Variants in CDH11 observed in about 807,000 individuals in gnomAD.
The protein encoded by CDH11 is cadherin 11.
A neutral mutation model predicts 67.8 loss-of-function variants in CDH11; 11 were observed. The observed-to-expected ratio is 0.16, with a 90% CI of 0.10 to 0.27. CDH11 has a LOEUF of 0.27. Ranked by LOEUF, CDH11 falls within the 10% of genes least tolerant of loss-of-function variation. The pLI is 1.00. For synonymous variants in CDH11, 419 were observed against 400.0 expected (o/e 1.05, Z -0.57); for missense variants, 847 against 1,031.2 (o/e 0.82, Z 2.45).
At chr16:64,963,512 G>A (rs1210610402) in intron 11 of CDH11, among the ~76,000 whole-genome samples, 1 of 152,098 alleles carries the variant, frequency 6.6e-6, no homozygotes, top group Non-Finnish European at 1.5e-5. Flanking sequence ...ACAGAAGAGA[G>A]AAAGAAACAG....
chr16:64,968,306 A>T, intron 11 of CDH11: 1 of 453,538 alleles, frequency 2.2e-6, no homozygotes, highest in Non-Finnish European at 2.9e-6. Flanking sequence ...TAAACCAGTT[A>T]AGAGCTACAT....
intron 1 of CDH11, chr16:65,118,982 T>C (rs2075284863): frequency 6.6e-6 from 1 of 152,168 alleles, no homozygotes; most frequent in Non-Finnish European, 1.5e-5. Context: ...AGATCAAAGT[T>C]TACCAACTTC....
At chr16:65,082,604 A>C (rs2074630053) in intron 1 of CDH11, among the ~76,000 whole-genome samples, 1 of 152,178 alleles carries the variant, frequency 6.6e-6, no homozygotes, top group South Asian at 2.1e-4. Flanking sequence ...GGAGGAAATA[A>C]TTATTTGCTA....
intron 6 of CDH11, among the ~76,000 whole-genome samples, chr16:64,990,132 A>G (rs777755506): frequency 6.6e-6 from 1 of 152,220 alleles, no homozygotes; most frequent in Non-Finnish European, 1.5e-5. Context: ...AAACCAGTAC[A>G]GTAGCAATGT....
At chr16:65,120,853 T>C (rs1425317878) in intron 1 of CDH11, among the ~76,000 whole-genome samples, 1 of 152,072 alleles carries the variant, frequency 6.6e-6, no homozygotes, top group Non-Finnish European at 1.5e-5. Context: ...CCCCACTTTC[T>C]CTGGGGACTC....
At chr16:65,117,727 C>T (rs1394082464) in intron 1 of CDH11, among the ~76,000 whole-genome samples, 2 of 152,152 alleles carry the variant, frequency 1.3e-5, no homozygotes, top group East Asian at 1.9e-4. Context: ...CATGAAAGAA[C>T]GGGCAATGGT....
chr16:64,952,330 G>A (rs35143), intron 11 of CDH11, among the ~76,000 whole-genome samples: 71,922 of 151,902 alleles, frequency 0.47, 17,687 homozygotes, highest in East Asian at 0.66. Flanking sequence ...GACCTCTGTG[G>A]GACTGTGAAC....
intron 2 of CDH11, among the ~76,000 whole-genome samples, chr16:65,009,158 A>T (rs2073124933): frequency 6.6e-6 from 1 of 152,146 alleles, no homozygotes; most frequent in South Asian, 2.1e-4. Flanking sequence ...ATTTAGGCAC[A>T]CTAATACAAA....
rs373154503 is a variant in CDH11 at position 64,988,361 on chromosome 16, T to G, written c.812-17A>C. The G allele has an allele frequency of 1.3e-6, 2 of 1,579,296 alleles. No individual in the cohort carries two copies. The highest frequency in any genetic ancestry group is 1.7e-6 in the Non-Finnish European group (2 of 1,164,572). ...GGTATACGCCTAGAAGAAGAAGACA[T>G]CTATTTTTATTTTCTCTTTTATTTG... On this transcript the variant is annotated splice_polypyrimidine_tract_variant and intron_variant, in intron 6 of 12. Coordinates refer to ENST00000268603, the MANE Select transcript of CDH11 (RefSeq NM_001797.4).
At chr16:64,994,925 C>T (rs1161722271) in intron 4 of CDH11, among the ~76,000 whole-genome samples, 1 of 152,072 alleles carries the variant, frequency 6.6e-6, no homozygotes. Context: ...AACACTCAAG[C>T]TGAGGACCAA....
chr16:65,021,569 C>T (rs1366530532), intron 2 of CDH11, among the ~76,000 whole-genome samples: 13 of 139,002 alleles, frequency 9.4e-5, no homozygotes, highest in South Asian at 2.3e-4. Context: ...CACACACACA[C>T]ATATATATAT....
chr16:64,971,411 G>C (rs994258023), intron 11 of CDH11, among the ~76,000 whole-genome samples, 168 bp downstream of exon 11: 4 of 152,190 alleles, frequency 2.6e-5, no homozygotes, highest in Non-Finnish European at 5.9e-5. Flanking sequence ...TTATTCGCAT[G>C]CATCAAATGA....
chr16:65,061,291 G>T (rs182027943), intron 1 of CDH11, among the ~76,000 whole-genome samples: 1 of 152,024 alleles, frequency 6.6e-6, no homozygotes, highest in African/African-American at 2.4e-5. Flanking sequence ...ATAAATGAAC[G>T]GTAGTAATTA....
intron 1 of CDH11, among the ~76,000 whole-genome samples, chr16:65,090,442 C>A (rs1216087240): frequency 6.6e-6 from 1 of 152,118 alleles, no homozygotes; most frequent in Non-Finnish European, 1.5e-5. Context: ...TTGGTCCAAT[C>A]CTTTCTTAAG....
At chr16:65,111,822 A>G (rs1280232772) in intron 1 of CDH11, among the ~76,000 whole-genome samples, 1 of 152,108 alleles carries the variant, frequency 6.6e-6, no homozygotes, top group Non-Finnish European at 1.5e-5. Context: ...CTGTAATCTC[A>G]GCACTTTGGG....
intron 4 of CDH11, among the ~76,000 whole-genome samples, chr16:64,993,667 T>C (rs2072688352): frequency 6.6e-6 from 1 of 151,946 alleles, no homozygotes; most frequent in Admixed American, 6.6e-5. Context: ...TGGTGAGAGG[T>C]AAGGGAAGCA....
chr16:65,013,509 T>C (rs1408124518), intron 2 of CDH11, among the ~76,000 whole-genome samples: 2 of 151,848 alleles, frequency 1.3e-5, no homozygotes, highest in African/African-American at 2.4e-5. Context: ...CCTCTGCAAG[T>C]CTCCACACTG....
chr16:65,096,405 G>GGA (rs2074891701), intron 1 of CDH11, among the ~76,000 whole-genome samples: 1 of 92,838 alleles, frequency 1.1e-5, no homozygotes, highest in Non-Finnish European at 2.4e-5. Context: ...AAATCTTTCG[G>GGA]GGTGTGTGTG....
chr16:65,096,132 G>A (rs2074886447), intron 1 of CDH11, among the ~76,000 whole-genome samples: 2 of 152,060 alleles, frequency 1.3e-5, no homozygotes, highest in South Asian at 4.1e-4. Flanking sequence ...GACCTATCTT[G>A]TACCTCTTAA....
Sources: allele counts gnomAD v4.1 joint callset (sites outside exome capture counted in the v4.1 genomes callset), GRCh38; gene constraint gnomAD v4.1.1; transcripts MANE v1.5; gene names NCBI Gene and HGNC (gene_info 2026-07-23, HGNC 2026-07-21).